The following FRMD4A variants were observed in gnomAD, a reference collection of about 807,000 sequenced individuals.
FRMD4A encodes the protein FERM domain containing 4A.
Under a neutral mutation model 129.1 loss-of-function variants are expected in FRMD4A, and 29 were observed. That is an observed-to-expected ratio of 0.22 (90% CI 0.17 to 0.31). FRMD4A has a LOEUF of 0.31. FRMD4A is among the 10% of genes least tolerant of loss of function. The probability of loss-of-function intolerance (pLI) is 1.00; values close to 1 mark genes in which losing one functional copy is unlikely to be tolerated. For synonymous variants in FRMD4A, 634 were observed against 571.6 expected (o/e 1.11, Z -1.56); for missense variants, 1,272 against 1,375.8 (o/e 0.92, Z 1.19).
In FRMD4A at chr10:14,330,621, C is replaced by T; in HGVS notation, c.-106G>A. On this transcript the variant is annotated 5_prime_UTR_variant, in exon 1 of 25. Transcript: ENST00000357447. ...CCGCTCGCAATCTGGTCAGTGTCTTCTTTGCTGCAGATAGGTGTGTCCCTT... is the reference window on the plus strand; with the variant it reads ...CCGCTCGCAATCTGGTCAGTGTCTTTTTTGCTGCAGATAGGTGTGTCCCTT... 1 of 399,822 alleles carries T rather than the reference C, an allele frequency of 2.5e-6. No homozygotes were observed. The highest frequency in any genetic ancestry group is 4.4e-6 in the Non-Finnish European group (1 of 227,272). The allele number at this position is 399,822 out of a possible 1,614,324, so 24.8% of individuals were successfully genotyped here. A position where few individuals can be genotyped will look rare whatever the true frequency, so the allele number is the denominator to read the frequency against.
At chr10:14,301,294 C>T (rs1035515787) in intron 2 of FRMD4A, among the ~76,000 whole-genome samples, 1 of 152,176 alleles carries the variant, frequency 6.6e-6, no homozygotes, top group East Asian at 1.9e-4. Context: ...GCATAATAGA[C>T]ATTACTGAGT....
intron 2 of FRMD4A, among the ~76,000 whole-genome samples, chr10:14,103,093 A>C (rs941698079): frequency 1.3e-5 from 2 of 152,226 alleles, no homozygotes; most frequent in Admixed American, 6.5e-5. Flanking sequence ...GTTCCTATCT[A>C]ATCTCATAAC....
chr10:14,170,286 G>A (rs1841408842), intron 2 of FRMD4A, among the ~76,000 whole-genome samples: 1 of 152,148 alleles, frequency 6.6e-6, no homozygotes, highest in Non-Finnish European at 1.5e-5. Flanking sequence ...TGACTATTAT[G>A]CCCAGGTACA....
At chr10:14,284,081 A>G (rs540582411) in intron 2 of FRMD4A, among the ~76,000 whole-genome samples, 1 of 152,348 alleles carries the variant, frequency 6.6e-6, no homozygotes, top group Non-Finnish European at 1.5e-5. Flanking sequence ...TATCTCAACT[A>G]TGAAATATGG....
At chr10:13,796,998 G>T (rs1462544135) in intron 4 of FRMD4A, among the ~76,000 whole-genome samples, 1 of 152,214 alleles carries the variant, frequency 6.6e-6, no homozygotes, top group Non-Finnish European at 1.5e-5. Context: ...GGGATTACAG[G>T]CGTGAGCCAC....
chr10:14,304,938 C>A (rs186258460), intron 2 of FRMD4A, among the ~76,000 whole-genome samples: 3 of 152,208 alleles, frequency 2.0e-5, no homozygotes, highest in Non-Finnish European at 4.4e-5. Context: ...GTGGCAGATG[C>A]TCACAGTGGA....
chr10:13,689,540 T>C (rs370605504), intron 15 of FRMD4A, among the ~76,000 whole-genome samples: 1 of 70,436 alleles, frequency 1.4e-5, no homozygotes, highest in South Asian at 4.4e-4. Flanking sequence ...GAACATAGAT[T>C]AGAAGATTCT....
At chr10:13,990,343 A>G (rs2095598977) in intron 2 of FRMD4A, among the ~76,000 whole-genome samples, 1 of 152,132 alleles carries the variant, frequency 6.6e-6, no homozygotes, top group Non-Finnish European at 1.5e-5. Context: ...CCAGAGGGGA[A>G]TGTGGGACAA....
At chr10:13,652,327 G>T (rs1233582827) in intron 23 of FRMD4A, 3 of 308,826 alleles carry the variant, frequency 9.7e-6, no homozygotes, top group Non-Finnish European at 1.8e-5. Context: ...CATCTTAAGT[G>T]CATAGGACCC....
At chr10:13,929,970 T>G (rs927000717) in intron 2 of FRMD4A, among the ~76,000 whole-genome samples, 9 of 152,168 alleles carry the variant, frequency 5.9e-5, no homozygotes, top group African/African-American at 2.2e-4. Flanking sequence ...AGGTACATAA[T>G]AAACATGCAA....
chr10:13,741,378 G>A (rs2090997753), intron 9 of FRMD4A, among the ~76,000 whole-genome samples: 1 of 152,098 alleles, frequency 6.6e-6, no homozygotes, highest in Admixed American at 6.6e-5. Flanking sequence ...TTGAGCCCAG[G>A]AGGTCAAGGC....
intron 24 of FRMD4A, among the ~76,000 whole-genome samples, chr10:13,650,276 C>A (rs1488518745): frequency 6.6e-6 from 1 of 152,124 alleles, no homozygotes; most frequent in Non-Finnish European, 1.5e-5. Context: ...GGTTGTTGAA[C>A]AGTCCCACAG....
intron 2 of FRMD4A, among the ~76,000 whole-genome samples, chr10:14,038,840 T>A (rs183371177): frequency 4.4e-4 from 67 of 152,202 alleles, no homozygotes; most frequent in African/African-American, 1.6e-3. Context: ...AAATGTCTGA[T>A]TGGCGCCTCT....
At chr10:14,089,924 A>AT (rs1030336765) in intron 2 of FRMD4A, among the ~76,000 whole-genome samples, 1 of 152,160 alleles carries the variant, frequency 6.6e-6, no homozygotes, top group African/African-American at 2.4e-5. Flanking sequence ...TATTGTACAG[A>AT]TTTTTTCAGG....
intron 5 of FRMD4A, among the ~76,000 whole-genome samples, chr10:13,795,317 T>C (rs1346479354): frequency 1.3e-5 from 2 of 152,200 alleles, no homozygotes; most frequent in Non-Finnish European, 2.9e-5. Flanking sequence ...CCATCAGTAA[T>C]GGAAATAGCT....
intron 2 of FRMD4A, among the ~76,000 whole-genome samples, chr10:14,171,000 T>C (rs1841445874): frequency 6.9e-6 from 1 of 144,360 alleles, no homozygotes; most frequent in Admixed American, 7.3e-5. Context: ...CACAAGACGC[T>C]GAATACGAGG....
intron 2 of FRMD4A, among the ~76,000 whole-genome samples, chr10:14,034,220 A>T (rs2131665599): frequency 6.6e-6 from 1 of 152,160 alleles, no homozygotes; most frequent in Admixed American, 6.5e-5. Flanking sequence ...CATTTGTTGC[A>T]TTGTGCATAT....
At chr10:14,142,090 G>A (rs1839865104) in intron 2 of FRMD4A, among the ~76,000 whole-genome samples, 2 of 151,506 alleles carry the variant, frequency 1.3e-5, no homozygotes, top group Admixed American at 1.3e-4. Context: ...TAAAGATGGA[G>A]ACATTATAAG....
chr10:13,845,566 C>T (rs947866253), intron 3 of FRMD4A, among the ~76,000 whole-genome samples: 1 of 152,148 alleles, frequency 6.6e-6, no homozygotes, highest in East Asian at 1.9e-4. Context: ...ATTTTACACA[C>T]GAGGTAGCAA....
Sources: gnomAD v4.1 joint callset for allele counts (sites outside exome capture counted in the v4.1 genomes callset) on GRCh38, gnomAD v4.1.1 for gene constraint, MANE v1.5 for transcripts, NCBI Gene and HGNC (gene_info 2026-07-23, HGNC 2026-07-21) for gene names.